Variants in MPRIP observed in about 807,000 individuals in gnomAD.
MPRIP encodes myosin phosphatase Rho-interacting protein.
A neutral mutation model predicts 234.9 loss-of-function variants in MPRIP; 59 were observed. The ratio of observed to expected loss-of-function variants is 0.25; its 90% CI spans 0.20 to 0.31. MPRIP has a LOEUF of 0.31. Among genes scored for constraint, MPRIP ranks in the 10% least tolerant of loss-of-function variants. The pLI, the probability that MPRIP is intolerant of heterozygous loss-of-function variation, is 1.00. For synonymous variants in MPRIP, 1,144 were observed against 1,263.9 expected (o/e 0.91, Z 2.01); for missense variants, 2,436 against 3,071.0 (o/e 0.79, Z 4.89).
In MPRIP at chr17:17,116,347, G is replaced by A. The variant is rs189189026; in HGVS notation, c.268-10355G>A. ...CGGCAGGACAGTGATAAAGGAGGCT[G>A]CTCTGTGCAGCGGGTAACCGTGGGT... On this transcript the variant is annotated intron_variant, in intron 3 of 23. Coordinates refer to ENST00000651222, the MANE Select transcript of MPRIP (RefSeq NM_001364716.4). Among the ~76,000 whole-genome samples, 10 of 152,344 alleles carry A rather than the reference G, an allele frequency of 6.6e-5. 1 individual carries two copies. The East Asian group carries it at 1.4e-3, about 21-fold the overall frequency.
chr17:17,058,636 T>G (rs1208762554), intron 1 of MPRIP, among the ~76,000 whole-genome samples: 1 of 152,290 alleles, frequency 6.6e-6, no homozygotes, highest in African/African-American at 2.4e-5. Flanking sequence ...CCTCCTGGCC[T>G]CCTCACCAAG....
At chr17:17,085,234 C>T (rs573786702) in intron 3 of MPRIP, among the ~76,000 whole-genome samples, 3 of 152,306 alleles carry the variant, frequency 2.0e-5, no homozygotes, top group South Asian at 2.1e-4. Flanking sequence ...ATTCGGACCA[C>T]AGGAAGCCCT....
At chr17:17,168,939 T>G (rs1267116052) in intron 16 of MPRIP, 1 of 456,820 alleles carries the variant, frequency 2.2e-6, no homozygotes, top group Non-Finnish European at 4.4e-6. Flanking sequence ...GCAGGACACC[T>G]GTTTTTCCCA....
At chr17:17,160,877 A>G (rs1340332161) in intron 14 of MPRIP, among the ~76,000 whole-genome samples, 1 of 152,128 alleles carries the variant, frequency 6.6e-6, no homozygotes, top group Admixed American at 6.5e-5. Context: ...TCCCCAGTGG[A>G]CACATTCCCC....
At chr17:17,043,646 A>C (rs2088252666) in intron 1 of MPRIP, among the ~76,000 whole-genome samples, 1 of 152,166 alleles carries the variant, frequency 6.6e-6, no homozygotes, top group South Asian at 2.1e-4. Context: ...CGTGCATTAG[A>C]GTCATAGCCA....
intron 23 of MPRIP, 70 bp downstream of exon 23, chr17:17,180,158 G>C (rs532071160): frequency 9.5e-6 from 12 of 1,263,994 alleles, no homozygotes; most frequent in Non-Finnish European, 1.3e-5. Flanking sequence ...CCAAATTGAA[G>C]TATGAGTGCT....
Position 17,072,951 on chromosome 17 carries a change from C to T in MPRIP, c.124-2759C>T, listed in dbSNP as rs34200616. 2.8e-3 allele frequency among the ~76,000 whole-genome samples: 431 copies of T among 152,232 alleles called. 13 individuals carry two copies. The South Asian group carries it at 0.06, about 21-fold the overall frequency. On this transcript the variant is annotated intron_variant, in intron 1 of 23. Coordinates refer to ENST00000651222, the MANE Select transcript of MPRIP (RefSeq NM_001364716.4). ...TAGCTTTATTAAGATAAAATTCACACGTCATACGTTTAACCCATTTAAATG... is the reference window on the plus strand; with the variant it reads ...TAGCTTTATTAAGATAAAATTCACATGTCATACGTTTAACCCATTTAAATG...
intron 1 of MPRIP, among the ~76,000 whole-genome samples, chr17:17,048,094 C>T (rs2088414632): frequency 6.6e-6 from 1 of 150,862 alleles, no homozygotes; most frequent in East Asian, 1.9e-4. Context: ...CAGGCATTGC[C>T]TCTGTGGAAG....
At chr17:17,061,970 C>T (rs1299449562) in intron 1 of MPRIP, among the ~76,000 whole-genome samples, 4 of 151,446 alleles carry the variant, frequency 2.6e-5, no homozygotes, top group African/African-American at 9.7e-5. Flanking sequence ...CTGACATGAT[C>T]ATTTTTTTTT....
intron 3 of MPRIP, among the ~76,000 whole-genome samples, chr17:17,110,262 C>T (rs531250466): frequency 6.6e-6 from 1 of 152,270 alleles, no homozygotes; most frequent in South Asian, 2.1e-4. Context: ...CAGATGAGAT[C>T]CCCAATCTTG....
intron 7 of MPRIP, chr17:17,141,659 C>A (rs1486863086): frequency 6.6e-6 from 1 of 152,278 alleles, no homozygotes; most frequent in Non-Finnish European, 1.5e-5. Context: ...TTCCTCTCTT[C>A]CTTGTGGAGA....
intron 3 of MPRIP, among the ~76,000 whole-genome samples, chr17:17,120,191 C>T (rs967908705): frequency 4.6e-5 from 7 of 152,200 alleles, no homozygotes; most frequent in South Asian, 2.1e-4. Context: ...CTGATGATAA[C>T]GCCAAACAGC....
intron 3 of MPRIP, among the ~76,000 whole-genome samples, chr17:17,112,106 A>G (rs991570814): frequency 6.6e-6 from 1 of 152,118 alleles, no homozygotes; most frequent in South Asian, 2.1e-4. Context: ...CGCTTTTCCA[A>G]CTGGTGTCCC....
chr17:17,045,671 C>T (rs919267494), intron 1 of MPRIP, among the ~76,000 whole-genome samples: 4 of 152,146 alleles, frequency 2.6e-5, no homozygotes, highest in East Asian at 1.9e-4. Context: ...TTCCTCCTCA[C>T]GGAAATTTGG....
At chr17:17,093,270 C>T (rs2144158083) in intron 3 of MPRIP, among the ~76,000 whole-genome samples, 1 of 152,338 alleles carries the variant, frequency 6.6e-6, no homozygotes, top group Admixed American at 6.5e-5. Context: ...CCTGCATGAA[C>T]TCTCCTGCAT....
chr17:17,102,833 T>A (rs1357909273), intron 3 of MPRIP, among the ~76,000 whole-genome samples: 1 of 152,244 alleles, frequency 6.6e-6, no homozygotes, highest in Non-Finnish European at 1.5e-5. Flanking sequence ...CTGGGCAACG[T>A]TGAGGTCGAC....
In MPRIP at chr17:17,166,175, C is replaced by T. The variant is rs568980244; in HGVS notation, c.4584C>T (p.Gly1528=). 1.5e-4 allele frequency: 197 copies of T among 1,302,562 alleles called. 1 individual carries two copies. The African/African-American group carries it at 2.6e-3, about 17-fold the overall frequency. The allele number at this position is 1,302,562 out of a possible 1,614,324, so 80.7% of individuals were successfully genotyped here. A position where few individuals can be genotyped will look rare whatever the true frequency, so the allele number is the denominator to read the frequency against. Residue 1528 remains glycine (G), a synonymous_variant, in exon 16 of 24, where the codon GGC becomes GGT. Coordinates refer to ENST00000651222, the MANE Select transcript of MPRIP (RefSeq NM_001364716.4). This position sits in a 1 kb window ranked among gnomAD's most constrained non-coding sequence, Gnocchi z 4.4. ...AGCACTGGCCGGCCCCAGCCCATGG[C>T]GGGGCCCGTGCACAGCTGGAGACAG... The part of the protein sequence containing the change: ...ALQHWPAPAH[G]GARAQLETGG...
At chr17:17,100,230 G>C (rs2144210740) in intron 3 of MPRIP, among the ~76,000 whole-genome samples, 1 of 152,326 alleles carries the variant, frequency 6.6e-6, no homozygotes, top group East Asian at 1.9e-4. Context: ...AAGGTTTCCA[G>C]AGCGCCTCAA....
At chr17:17,082,759 A>G (rs2089494279) in intron 3 of MPRIP, among the ~76,000 whole-genome samples, 1 of 152,176 alleles carries the variant, frequency 6.6e-6, no homozygotes, top group Admixed American at 6.5e-5. Context: ...CTGTGCACCC[A>G]TTGAACTATA....
Sources: allele counts gnomAD v4.1 joint callset (sites outside exome capture counted in the v4.1 genomes callset), GRCh38; gene constraint gnomAD v4.1.1; non-coding constraint Gnocchi (gnomAD v3.1); transcripts MANE v1.5; gene names NCBI Gene and HGNC (gene_info 2026-07-23, HGNC 2026-07-21).